The following SLC44A5 variants were observed in gnomAD, a reference collection of about 807,000 sequenced individuals.
SLC44A5 encodes solute carrier family 44 member 5, also known as choline transporter-like protein 5.
In SLC44A5, 57 loss-of-function variants were observed where a neutral mutation model predicts 101.8. The observed-to-expected ratio is 0.56, with a 90% CI of 0.45 to 0.70. SLC44A5 has a LOEUF of 0.70. Among genes scored for constraint, SLC44A5 ranks in the 30% least tolerant of loss-of-function variants. The pLI is 0.00. For missense variants in SLC44A5, 737 were observed against 853.1 expected (o/e 0.86, Z 1.70); for synonymous variants, 281 against 290.9 (o/e 0.97, Z 0.35).
At chr1:75,330,532 G>A (rs1656972350) in intron 4 of SLC44A5, among the ~76,000 whole-genome samples, 1 of 152,038 alleles carries the variant, frequency 6.6e-6, no homozygotes, top group African/African-American at 2.4e-5. Flanking sequence ...CTCCAATTGT[G>A]TTCTGGACTC....
At chr1:75,266,908 A>T (rs149747440) in intron 6 of SLC44A5, among the ~76,000 whole-genome samples, 3 of 152,336 alleles carry the variant, frequency 2.0e-5, no homozygotes, top group Non-Finnish European at 4.4e-5. Context: ...GTAAATCAAG[A>T]TCTTGTGCCA....
At chr1:75,571,009 C>A (rs778999754) in intron 1 of SLC44A5, among the ~76,000 whole-genome samples, 1 of 151,726 alleles carries the variant, frequency 6.6e-6, no homozygotes. Context: ...ACAGCCCACC[C>A]AAATCACTAA....
At position 75,605,377 on chromosome 1, in the gene SLC44A5, A is replaced by AAAAT. The variant is rs780945914; in HGVS notation, c.-70+5659_-70+5662dup. Among the ~76,000 whole-genome samples the AAAAT allele has an allele frequency of 3.9e-5, 6 of 152,022 alleles. No homozygotes were observed. The East Asian group carries it at 1.2e-3, about 29-fold the overall frequency. On this transcript the variant is annotated intron_variant, in intron 1 of 23. Coordinates refer to ENST00000370859, the MANE Select transcript of SLC44A5 (RefSeq NM_001130058.2). ...AGAATGAGAAGGTGGAGAAAAAATA[A>AAAAT]AAATAAATAAATAAACAATGCAGCT...
intron 3 of SLC44A5, among the ~76,000 whole-genome samples, chr1:75,390,473 T>C (rs1661714370): frequency 6.7e-6 from 1 of 149,812 alleles, no homozygotes; most frequent in African/African-American, 2.4e-5. Context: ...ATTCATCCTA[T>C]CAATTAAGAT....
At chr1:75,659,700 G>A in the SLC44A5 span, among the ~76,000 whole-genome samples, 22 of 150,444 alleles carry the variant, frequency 1.5e-4, no homozygotes, top group East Asian at 2.0e-4. Flanking sequence ...CTCAGAAGCC[G>A]AGGTAGGAGG....
intron 3 of SLC44A5, among the ~76,000 whole-genome samples, chr1:75,388,208 T>TAATAAATAAATAAATAAATA (rs71071944): frequency 3.9e-5 from 5 of 129,116 alleles, no homozygotes; most frequent in East Asian, 2.3e-4. Flanking sequence ...ACTTAAAGTG[T>TAATAAATAAATAAATAAATA]AATAAATAAA....
the SLC44A5 span, among the ~76,000 whole-genome samples, chr1:75,687,286 G>GA: frequency 3.3e-5 from 5 of 152,068 alleles, no homozygotes; most frequent in African/African-American, 9.7e-5. Flanking sequence ...CCACAGTGCT[G>GA]AAAAATCTTC....
intron 2 of SLC44A5, chr1:75,521,883 A>G (rs1468752128): frequency 6.5e-6 from 1 of 153,324 alleles, no homozygotes; most frequent in Non-Finnish European, 1.5e-5. Flanking sequence ...CAATGCACGC[A>G]GTGTACAAGT....
chr1:75,488,201 C>A (rs1668252662), intron 2 of SLC44A5, among the ~76,000 whole-genome samples: 1 of 152,080 alleles, frequency 6.6e-6, no homozygotes, highest in Admixed American at 6.6e-5. Flanking sequence ...AAATGAAATG[C>A]CAAATGAATA....
At chr1:75,286,109 T>C (rs1653021786) in intron 5 of SLC44A5, among the ~76,000 whole-genome samples, 3 of 152,142 alleles carry the variant, frequency 2.0e-5, no homozygotes, top group Non-Finnish European at 4.4e-5. Context: ...TCTAATTCAT[T>C]TCTCAGGTCT....
intron 2 of SLC44A5, among the ~76,000 whole-genome samples, chr1:75,414,800 T>A (rs1419937246): frequency 2.6e-5 from 4 of 152,016 alleles, no homozygotes; most frequent in African/African-American, 7.2e-5. Context: ...AAGTCTAGCA[T>A]AATTGAAAAG....
chr1:75,363,922 G>T (rs1371685036), intron 3 of SLC44A5, among the ~76,000 whole-genome samples: 1 of 152,054 alleles, frequency 6.6e-6, no homozygotes, highest in Non-Finnish European at 1.5e-5. Context: ...ATTCCTGAAG[G>T]ACAGCTTTAC....
intron 3 of SLC44A5, among the ~76,000 whole-genome samples, chr1:75,385,833 A>G (rs11485280): frequency 0.25 from 37,509 of 151,122 alleles, 4,900 homozygotes; most frequent in African/African-American, 0.33. Flanking sequence ...AAACGAATCC[A>G]GCAGCACATC....
intron 3 of SLC44A5, among the ~76,000 whole-genome samples, chr1:75,364,189 A>G (rs189512655): frequency 1.4e-3 from 206 of 152,242 alleles, no homozygotes; most frequent in African/African-American, 4.5e-3. Flanking sequence ...TTTGTATTAG[A>G]CCATTCTTGC....
intron 5 of SLC44A5, among the ~76,000 whole-genome samples, chr1:75,278,242 TAA>T (rs1553153627): frequency 1.3e-5 from 2 of 151,618 alleles, no homozygotes; most frequent in African/African-American, 4.8e-5. Context: ...TAAAATATAT[TAA>T]GTTATTATTA....
intron 1 of SLC44A5, among the ~76,000 whole-genome samples, chr1:75,583,239 G>A (rs968803378): frequency 6.6e-6 from 1 of 152,060 alleles, no homozygotes; most frequent in Non-Finnish European, 1.5e-5. Flanking sequence ...TGAATCCTGG[G>A]AGATGGCAGG....
At chr1:75,354,949 T>G (rs929888026) in intron 3 of SLC44A5, among the ~76,000 whole-genome samples, 1 of 152,188 alleles carries the variant, frequency 6.6e-6, no homozygotes, top group Non-Finnish European at 1.5e-5. Flanking sequence ...TTCTTCTACT[T>G]AGGTCAACAT....
chr1:75,615,072 C>T (rs1160081206), upstream of SLC44A5, among the ~76,000 whole-genome samples: 1 of 152,150 alleles, frequency 6.6e-6, no homozygotes, highest in African/African-American at 2.4e-5. Flanking sequence ...AATGCCTCGT[C>T]ACCCCAGCAA....
rs560992361 is a variant in SLC44A5 at position 75,413,226 on chromosome 1, G to A, written c.14-16605C>T. Reference sequence around the variant, plus strand: ...AAAAATAGAGTATATATAGGTTTTGGTACTTGCTATGATTTCAGGCATCCA... The same window carrying A: ...AAAAATAGAGTATATATAGGTTTTGATACTTGCTATGATTTCAGGCATCCA... On this transcript the variant is annotated intron_variant, in intron 2 of 23. Coordinates refer to ENST00000370859, the MANE Select transcript of SLC44A5 (RefSeq NM_001130058.2). Among the ~76,000 whole-genome samples, 19 of 152,092 alleles carry A rather than the reference G, an allele frequency of 1.2e-4. 1 individual carries two copies. Among genetic ancestry groups the A allele is most frequent in the Admixed American group, 1.2e-3 (18 of 15,260 alleles).
Sources: allele counts gnomAD v4.1 joint callset (sites outside exome capture counted in the v4.1 genomes callset), GRCh38; gene constraint gnomAD v4.1.1; transcripts MANE v1.5; gene names NCBI Gene and HGNC (gene_info 2026-07-23, HGNC 2026-07-21).